Variants in CEACAM20 observed in about 807,000 individuals in gnomAD.
The protein encoded by CEACAM20 is cell adhesion molecule CEACAM20.
In CEACAM20, 50 loss-of-function variants were observed where a neutral mutation model predicts 61.2. That is an observed-to-expected ratio of 0.82 (90% CI 0.65 to 1.03). The LOEUF (loss-of-function observed/expected upper bound fraction) is 1.03, where lower values mean the gene tolerates loss of function less well. CEACAM20 is among the 50% of genes least tolerant of loss of function. CEACAM20 has a pLI of 0.00. For synonymous variants in CEACAM20, 282 were observed against 287.7 expected (o/e 0.98, Z 0.20); for missense variants, 683 against 736.4 (o/e 0.93, Z 0.84).
chr19:44,519,976 C>G (rs965061143), intron 5 of CEACAM20, among the ~76,000 whole-genome samples: 3 of 152,186 alleles, frequency 2.0e-5, no homozygotes, highest in Non-Finnish European at 2.9e-5. Context: ...AAGTCTCTGT[C>G]CCTCACCCTG....
intron 1 of CEACAM20, among the ~76,000 whole-genome samples, chr19:44,528,037 A>C (rs1971579278): frequency 6.6e-6 from 1 of 151,352 alleles, no homozygotes; most frequent in African/African-American, 2.4e-5. Context: ...CGCGTTTCTG[A>C]ATCTATTTCT....
In CEACAM20 at chr19:44,522,658, C is replaced by T; in HGVS notation, c.727G>A (p.Gly243Ser). The change falls in exon 4 of 12, where the codon GGT becomes AGT. Residue 243 changes from glycine (G) to serine (S), a missense_variant. Physicochemically the swap from Gly to Ser is moderately conservative, Grantham distance 56. Transcript: ENST00000614924. ...CCAAGTACTCGGACCTTCAGAGTAC[C>T]CAGGCTGGACAGGTGGGTGGCACTG... ...SNSATHLSSLGTLKVRVLETL... is the reference protein window; with the variant it reads ...SNSATHLSSLSTLKVRVLETL... 6.2e-7 allele frequency: 1 copy of T among 1,613,342 alleles called. No homozygotes were observed. Among genetic ancestry groups the T allele is most frequent in the Non-Finnish European group, 8.5e-7 (1 of 1,179,702 alleles).
Position 44,522,670 on chromosome 19 carries a change from G to T in CEACAM20, c.715C>A (p.Leu239Met), listed in dbSNP as rs754408705. 1 of 1,613,566 alleles carries T rather than the reference G, an allele frequency of 6.2e-7. No homozygotes were observed. Among genetic ancestry groups the T allele is most frequent in the Admixed American group, 1.7e-5 (1 of 59,940 alleles). ...RCLVSNSATH[L>M]SSLGTLKVRV... ...ACCTTCAGAGTACCCAGGCTGGACA[G>T]GTGGGTGGCACTGTTGGACACCAAG... The change falls in exon 4 of 12, where the codon CTG becomes ATG. Residue 239 changes from leucine (L) to methionine (M), a missense_variant. Transcript: ENST00000614924.
chr19:44,516,636 C>G (rs1207293930), intron 6 of CEACAM20, among the ~76,000 whole-genome samples: 1 of 152,288 alleles, frequency 6.6e-6, no homozygotes, highest in South Asian at 2.1e-4. Context: ...TTATAAATTA[C>G]CCAGTCTTCA....
At chr19:44,529,051 G>A (rs55903102) in intron 1 of CEACAM20, among the ~76,000 whole-genome samples, 22,148 of 142,274 alleles carry the variant, frequency 0.16, 2,107 homozygotes, top group East Asian at 0.26. Context: ...TTCCACCTCC[G>A]AGTTCAAGGT....
chr19:44,523,187 T>A (rs140258645), intron 3 of CEACAM20, among the ~76,000 whole-genome samples: 2 of 151,998 alleles, frequency 1.3e-5, no homozygotes, highest in African/African-American at 4.8e-5. Context: ...GGCAAGAGAA[T>A]TGCTTGGAGC....
At chr19:44,512,425 GC>G (rs1191734891) in intron 8 of CEACAM20, among the ~76,000 whole-genome samples, 1 of 152,102 alleles carries the variant, frequency 6.6e-6, no homozygotes, top group African/African-American at 2.4e-5. Context: ...ATATCAAAAG[GC>G]CTATCCTTCC....
intron 11 of CEACAM20, 84 bp from the exon 12 acceptor site, chr19:44,506,298 C>T (rs879936781): frequency 1.7e-6 from 2 of 1,197,062 alleles, no homozygotes; most frequent in Non-Finnish European, 2.4e-6. Flanking sequence ...CCCAAACAGC[C>T]TGGAGCTTTC....
intron 2 of CEACAM20, among the ~76,000 whole-genome samples, chr19:44,524,468 GA>G (rs1971467995): frequency 6.6e-6 from 1 of 152,182 alleles, no homozygotes; most frequent in African/African-American, 2.4e-5. Flanking sequence ...AAGCCCCATT[GA>G]AAGTGATTGT....
intron 11 of CEACAM20, among the ~76,000 whole-genome samples, chr19:44,509,770 G>C (rs1438430278): frequency 6.6e-6 from 1 of 151,820 alleles, no homozygotes; most frequent in East Asian, 1.9e-4. Context: ...AAGAGAAAGT[G>C]AATGGAAAAG....
At chr19:44,522,607 G>A in intron 4 of CEACAM20, 27 bp downstream of exon 4, 3 of 1,604,512 alleles carry the variant, frequency 1.9e-6, no homozygotes, top group Non-Finnish European at 2.6e-6. Context: ...GAAGAATGAA[G>A]GAGAGGAACC....
chr19:44,518,305 T>C (rs1199540597), intron 5 of CEACAM20, among the ~76,000 whole-genome samples: 2 of 152,114 alleles, frequency 1.3e-5, no homozygotes, highest in East Asian at 3.9e-4. Flanking sequence ...AATCCCTAAC[T>C]TCTAGTACTG....
rs1243651517 is a variant in CEACAM20, at chr19:44,513,269, A to C, written c.1330T>G (p.Ser444Ala). The C allele has an allele frequency of 6.2e-7, 1 of 1,613,684 alleles. No homozygotes were observed. Among genetic ancestry groups the C allele is most frequent in the Admixed American group, 1.7e-5 (1 of 60,020 alleles). ...KVVGPQSSSL[S>A]SGAIAGIVIG... ...ACAATACCAGCGATGGCCCCTGAGG[A>C]CAGGGAGGAGGACTGGGGACCTGGG... The change falls in exon 7 of 12, where the codon TCC (serine) becomes GCC (alanine). Residue 444 changes from serine (S) to alanine (A), a missense_variant. Transcript: ENST00000614924.
At chr19:44,524,352 T>G (rs1472832900) in intron 2 of CEACAM20, 91 bp from the exon 3 acceptor site, 2 of 1,372,014 alleles carry the variant, frequency 1.5e-6, no homozygotes, top group Non-Finnish European at 2.0e-6. Context: ...GAAACAGGAC[T>G]AGATTGGAAT....
chr19:44,515,952 T>C (rs1024769176), intron 6 of CEACAM20, among the ~76,000 whole-genome samples: 6 of 152,110 alleles, frequency 3.9e-5, no homozygotes, highest in Non-Finnish European at 8.8e-5. Context: ...AAAGGAATAA[T>C]TTTATTTGTT....
At chr19:44,519,771 G>A (rs1025343106) in intron 5 of CEACAM20, among the ~76,000 whole-genome samples, 3 of 152,126 alleles carry the variant, frequency 2.0e-5, no homozygotes, top group Non-Finnish European at 4.4e-5. Context: ...GACCTCCAAC[G>A]GCAGAAATGT....
chr19:44,526,899 A>C (rs954996963), intron 1 of CEACAM20, among the ~76,000 whole-genome samples: 1 of 151,876 alleles, frequency 6.6e-6, no homozygotes, highest in African/African-American at 2.4e-5. Flanking sequence ...AACAAAAAAA[A>C]AACACGAGAC....
In CEACAM20 at chr19:44,525,235, C is replaced by A; in HGVS notation, c.62G>T (p.Cys21Phe). 3 of 1,585,428 alleles carry A rather than the reference C, an allele frequency of 1.9e-6. No individual in the cohort carries two copies. The highest frequency in any genetic ancestry group is 2.6e-6 in the Non-Finnish European group (3 of 1,168,132). The change falls in exon 2 of 12, where the codon TGT becomes TTT. Residue 21 changes from cysteine to phenylalanine, a missense_variant. Physicochemically the swap from Cys to Phe is radical, Grantham distance 205 (BLOSUM62 -2). Coordinates refer to ENST00000614924, the MANE Select transcript of CEACAM20 (RefSeq NM_001102597.3). ...WMGILLSASLCTVWSPPAAAQ... is the reference protein window; with the variant it reads ...WMGILLSASLFTVWSPPAAAQ... ...TGCAGCTGGAGGACTCCATACGGTA[C>A]AAAGCGAGGCTACAAGGGGAGAGAG...
At chr19:44,528,147 TTC>T (rs1444165397) in intron 1 of CEACAM20, among the ~76,000 whole-genome samples, 6 of 102,256 alleles carry the variant, frequency 5.9e-5, no homozygotes, top group African/African-American at 2.8e-4. Flanking sequence ...TTTCTTTCTT[TTC>T]TTTCTTTCTT....
Sources: allele counts gnomAD v4.1 joint callset (sites outside exome capture counted in the v4.1 genomes callset), GRCh38; gene constraint gnomAD v4.1.1; transcripts MANE v1.5; gene names NCBI Gene and HGNC (gene_info 2026-07-23, HGNC 2026-07-21).